B9D1: variants seen among roughly 807,000 people sequenced by gnomAD.
The protein encoded by B9D1 is B9 domain-containing protein 1.
Under a neutral mutation model 26.1 loss-of-function variants are expected in B9D1, and 20 were observed. That is an observed-to-expected ratio of 0.77 (90% CI 0.54 to 1.12). The LOEUF (loss-of-function observed/expected upper bound fraction) is 1.12. Among genes scored for constraint, B9D1 ranks in the 50% most tolerant of loss-of-function variants. The pLI, the probability that B9D1 is intolerant of heterozygous loss-of-function variation, is 0.00. For missense variants in B9D1, 260 were observed against 273.7 expected, an observed-to-expected ratio of 0.95 and a Z score of 0.35; for synonymous variants, 105 against 103.1, an observed-to-expected ratio of 1.02 and a Z score of -0.11.
downstream of B9D1, among the ~76,000 whole-genome samples, chr17:19,339,866 T>C (rs1316517391): frequency 6.6e-6 from 1 of 152,186 alleles, no homozygotes; most frequent in Non-Finnish European, 1.5e-5. Context: ...TGGACCCACC[T>C]TGATACAAGG....
intron 1 of B9D1, among the ~76,000 whole-genome samples, chr17:19,367,976 C>T (rs914585493): frequency 6.6e-6 from 1 of 152,184 alleles, no homozygotes; most frequent in African/African-American, 2.4e-5. Flanking sequence ...TTGGGGAGCA[C>T]TCTGGGGGGC....
At position 19,343,455 on chromosome 17, in the gene B9D1, C is replaced by G; in HGVS notation, c.479G>C (p.Arg160Pro). Residue 160 changes from arginine to proline, a missense_variant, in exon 7 of 7, where the codon CGT (arginine) becomes CCT (proline). Coordinates refer to ENST00000261499, the MANE Select transcript of B9D1 (RefSeq NM_015681.6). ...VAQGEGREVT[R>P]VRSQGFVTLL... ...GGTGACAAAGCCCTGAGAACGGACA[C>G]GGGTCACTGGGGACAGAAGGGCAGC... 6.2e-7 allele frequency: 1 copy of G among 1,614,162 alleles called. No individual in the cohort carries two copies. The highest frequency in any genetic ancestry group is 8.5e-7 in the Non-Finnish European group (1 of 1,180,008).
chr17:19,337,548 T>G (rs948356661), downstream of B9D1: 2 of 603,826 alleles, frequency 3.3e-6, no homozygotes, highest in African/African-American at 3.7e-5. Flanking sequence ...GGCTAGGGAC[T>G]GGTGGCAGGG....
rs1908899097 is a variant in B9D1 at position 19,347,010 on chromosome 17, A to G, written c.404+259T>C. On this transcript the variant is annotated intron_variant, in intron 5 of 6. Coordinates refer to ENST00000261499, the MANE Select transcript of B9D1 (RefSeq NM_015681.6). The surrounding 1 kb of genome is among the most constrained non-coding windows in gnomAD (Gnocchi z 4.3). ...TCATGAGCATTTTTCCCATCTGACAAGAGTTTTTCCTCTGCTCCCTCAGAC... is the reference window on the plus strand; with the variant it reads ...TCATGAGCATTTTTCCCATCTGACAGGAGTTTTTCCTCTGCTCCCTCAGAC... 1.3e-6 allele frequency: 2 copies of G among 1,540,852 alleles called. No homozygotes were observed. The highest frequency in any genetic ancestry group is 1.7e-6 in the Non-Finnish European group (2 of 1,143,856).
Position 19,343,867 on chromosome 17 carries a change from C to G in B9D1, c.405-10G>C. The G allele has an allele frequency of 6.2e-7, 1 of 1,613,854 alleles. No homozygotes were observed. The highest frequency in any genetic ancestry group is 1.1e-5 in the South Asian group (1 of 91,070). Reference sequence around the variant, plus strand: ...CCGCCCCATGAACCAGCTGGGAACACAGAAGAACACAGGTGAGCAGGGCCC... The same window carrying G: ...CCGCCCCATGAACCAGCTGGGAACAGAGAAGAACACAGGTGAGCAGGGCCC... On this transcript the variant is annotated splice_polypyrimidine_tract_variant and intron_variant, in intron 5 of 6. Transcript: ENST00000261499.
At chr17:19,335,320 A>C (rs1319083148), downstream of B9D1, 1 of 1,387,906 alleles carries the variant, frequency 7.2e-7, no homozygotes, top group African/African-American at 1.4e-5. Context: ...CGAATATACC[A>C]ACATCCTGAA....
At position 19,347,903 on chromosome 17, in the gene B9D1, G is replaced by A. The variant is rs750746499; in HGVS notation, c.245-23C>T. The A allele has an allele frequency of 6.2e-6, 10 of 1,605,362 alleles. No homozygotes were observed. ...GCCCTTGGGAAGGACAAGGCAGGGG[G>A]TGGGCACATGAGGACACACAGGGGA... On this transcript the variant is annotated intron_variant, in intron 3 of 6. Transcript: ENST00000261499. This position sits in a 1 kb window ranked among gnomAD's most constrained non-coding sequence, Gnocchi z 4.3.
At position 19,359,333 on chromosome 17, in the gene B9D1, C is replaced by T. The variant is rs1336364915; in HGVS notation, c.132+987G>A. 3.3e-5 allele frequency among the ~76,000 whole-genome samples: 5 copies of T among 152,224 alleles called. No homozygotes were observed. Among genetic ancestry groups the T allele is most frequent in the Non-Finnish European group, 7.3e-5 (5 of 68,040 alleles). On this transcript the variant is annotated intron_variant, in intron 2 of 6. Transcript: ENST00000261499. The surrounding 1 kb of genome is among the most constrained non-coding windows in gnomAD (Gnocchi z 5.0). ...CTCCAGCCACTCTCCTGCTGGCTCG[C>T]TCTCCAGTGGCCACACAGCCTCCTT...
At chr17:19,350,283 C>T (rs1282112946) in intron 3 of B9D1, among the ~76,000 whole-genome samples, 4 of 152,058 alleles carry the variant, frequency 2.6e-5, no homozygotes, top group African/African-American at 4.8e-5. Context: ...CGGTGGCTCA[C>T]ACCTGTAATC....
At chr17:19,352,514 ATT>A (rs34659490) in intron 3 of B9D1, among the ~76,000 whole-genome samples, 16 of 95,128 alleles carry the variant, frequency 1.7e-4, no homozygotes, top group Admixed American at 2.4e-4. Context: ...GGCCTGGCTA[ATT>A]TTTTTTTTTT....
Position 19,372,898 on chromosome 17 carries a change from C to T in B9D1, c.-298+4961G>A, listed in dbSNP as rs1414019012. Among the ~76,000 whole-genome samples, 2 of 152,210 alleles carry T rather than the reference C, an allele frequency of 1.3e-5. No homozygotes were observed. The highest frequency in any genetic ancestry group is 2.4e-5 in the African/African-American group (1 of 41,448). ...CACCCACTCTTGCGGCAGAGGGGTG[C>T]GAACAGTTGGGCACATCTATTATTT... On this transcript the variant is annotated intron_variant, in intron 1 of 5. Transcript: ENST00000477478. The surrounding 1 kb of genome is among the most constrained non-coding windows in gnomAD (Gnocchi z 4.4).
chr17:19,356,377 C>G (rs1385445776), intron 3 of B9D1, among the ~76,000 whole-genome samples: 7 of 152,222 alleles, frequency 4.6e-5, no homozygotes, highest in African/African-American at 1.7e-4. Flanking sequence ...CAGGCATGAG[C>G]CACCATGCCC....
At chr17:19,337,686 CAG>C (rs2152244960), downstream of B9D1, 4 of 1,530,860 alleles carry the variant, frequency 2.6e-6, no homozygotes, top group East Asian at 4.9e-5. Flanking sequence ...GTCAGTGACT[CAG>C]GGACTCAAGC....
chr17:19,351,255 A>G (rs368598007), intron 3 of B9D1, among the ~76,000 whole-genome samples: 2 of 152,100 alleles, frequency 1.3e-5, no homozygotes, highest in East Asian at 1.9e-4. Flanking sequence ...CTCGGCCTCC[A>G]TATGAGCCAC....
At chr17:19,371,844 G>C (rs1911909627) in intron 1 of B9D1, among the ~76,000 whole-genome samples, 1 of 152,216 alleles carries the variant, frequency 6.6e-6, no homozygotes, top group South Asian at 2.1e-4. Context: ...CTGTGGGAGA[G>C]GCTGCCACAG....
chr17:19,352,538 T>TC (rs1909760446), intron 3 of B9D1, among the ~76,000 whole-genome samples: 1 of 144,706 alleles, frequency 6.9e-6, no homozygotes, highest in Admixed American at 6.9e-5. Context: ...TTTTTTTTTT[T>TC]GAGACGGAGT....
chr17:19,341,358 G>A (rs1907940454), downstream of B9D1: 1 of 1,219,578 alleles, frequency 8.2e-7, no homozygotes, highest in South Asian at 4.2e-5. Flanking sequence ...GACAGGAGCA[G>A]CTGAGGGTGC....
intron 1 of B9D1, among the ~76,000 whole-genome samples, chr17:19,376,166 A>G (rs1244592809): frequency 6.6e-6 from 1 of 152,224 alleles, no homozygotes; most frequent in Non-Finnish European, 1.5e-5. Context: ...ACGCAAGTCC[A>G]TAGAGACAGA....
Position 19,362,619 on chromosome 17 carries a change from T to C in B9D1, c.-50A>G. The C allele has an allele frequency of 6.4e-7, 1 of 1,570,652 alleles. No homozygotes were observed. ...ACCCACCTAGGCCGCGCGCGGTTGCTAAGAGACGCCGGCGTTGCCCTAGAA... is the reference window on the plus strand; with the variant it reads ...ACCCACCTAGGCCGCGCGCGGTTGCCAAGAGACGCCGGCGTTGCCCTAGAA... On this transcript the variant is annotated 5_prime_UTR_variant, in exon 1 of 7. Transcript: ENST00000261499.
Sources: allele counts gnomAD v4.1 joint callset (sites outside exome capture counted in the v4.1 genomes callset), GRCh38; gene constraint gnomAD v4.1.1; non-coding constraint Gnocchi (gnomAD v3.1); transcripts MANE v1.5; gene names NCBI Gene and HGNC (gene_info 2026-07-23, HGNC 2026-07-21).